NT5E: variants seen among roughly 807,000 people sequenced by gnomAD.
NT5E encodes 5'-nucleotidase ecto, also known as 5'-nucleotidase.
Under a neutral mutation model 55.1 loss-of-function variants are expected in NT5E, and 53 were observed. The observed-to-expected ratio is 0.96, with a 90% CI of 0.77 to 1.21. The LOEUF (loss-of-function observed/expected upper bound fraction) is 1.21. Among genes scored for constraint, NT5E ranks in the 50% most tolerant of loss-of-function variants. The pLI is 0.00. For missense variants in NT5E, 683 were observed against 724.3 expected (o/e 0.94, Z 0.65); for synonymous variants, 270 against 278.4 (o/e 0.97, Z 0.30).
intron 3 of NT5E, 42 bp from the exon 4 acceptor site, chr6:85,485,193 G>A: frequency 1.3e-6 from 2 of 1,596,002 alleles, no homozygotes; most frequent in Non-Finnish European, 1.7e-6. Flanking sequence ...AGCCATGTAT[G>A]TACAAGGGCT....
At position 85,471,212 on chromosome 6, in the gene NT5E, C is replaced by G. The variant is rs564534229; in HGVS notation, c.563-25C>G. 5 of 1,486,162 alleles carry G rather than the reference C, an allele frequency of 3.4e-6. No homozygotes were observed. In the East Asian group the frequency reaches 1.2e-4, roughly 36 times the overall value. 92.1% of individuals were successfully genotyped at this position (1,486,162 alleles called of 1,614,324 possible). On this transcript the variant is annotated intron_variant, in intron 2 of 8. Transcript: ENST00000257770. ...TATAATAAAAATTGTTAATAAATATCCATTTTATTTATTTTGTTCCTTAGG... is the reference window on the plus strand; with the variant it reads ...TATAATAAAAATTGTTAATAAATATGCATTTTATTTATTTTGTTCCTTAGG...
At chr6:85,451,443 A>G (rs995256620) in intron 1 of NT5E, among the ~76,000 whole-genome samples, 1 of 152,204 alleles carries the variant, frequency 6.6e-6, no homozygotes, top group Non-Finnish European at 1.5e-5. Flanking sequence ...ACTAAATTCT[A>G]GAAAGGGAGC....
intron 3 of NT5E, among the ~76,000 whole-genome samples, chr6:85,481,482 G>A (rs1053298509): frequency 5.9e-5 from 9 of 152,200 alleles, no homozygotes; most frequent in Admixed American, 5.2e-4. Flanking sequence ...CTTGAGTCGA[G>A]TCAGGCTTCA....
At chr6:85,456,778 G>A (rs1270002048) in intron 1 of NT5E, among the ~76,000 whole-genome samples, 3 of 152,178 alleles carry the variant, frequency 2.0e-5, no homozygotes. Flanking sequence ...CATTCTGTCT[G>A]GTAGGTATAG....
At chr6:85,465,410 G>C (rs1438638941) in intron 1 of NT5E, among the ~76,000 whole-genome samples, 1 of 152,068 alleles carries the variant, frequency 6.6e-6, no homozygotes, top group Non-Finnish European at 1.5e-5. Flanking sequence ...TATAACAAGG[G>C]AGACTTATTT....
chr6:85,485,297 G>A lies in NT5E; in HGVS notation c.814G>A (p.Gly272Arg). 6.2e-7 allele frequency: 1 copy of A among 1,614,206 alleles called. No individual in the cohort carries two copies. The highest frequency in any genetic ancestry group is 8.5e-7 in the Non-Finnish European group (1 of 1,180,030). The change falls in exon 4 of 9, where the codon GGG becomes AGG. Residue 272 changes from glycine (G) to arginine (R), a missense_variant. Transcript: ENST00000257770. Reference sequence around the variant, plus strand: ...CCCATTCATAGTCACTTCTGATGATGGGCGGAAGGTTCCTGTAGTCCAGGC... The same window carrying A: ...CCCATTCATAGTCACTTCTGATGATAGGCGGAAGGTTCCTGTAGTCCAGGC... Reference protein sequence around the residue: ...KYPFIVTSDDGRKVPVVQAYA... With the variant: ...KYPFIVTSDDRRKVPVVQAYA...
chr6:85,479,604 C>T (rs1043492077), intron 3 of NT5E, among the ~76,000 whole-genome samples: 5 of 152,210 alleles, frequency 3.3e-5, no homozygotes, highest in African/African-American at 9.6e-5. Context: ...GTAGGAAGAC[C>T]TCTGGCCAAA....
At chr6:85,485,758 T>C (rs1769641173) in intron 4 of NT5E, among the ~76,000 whole-genome samples, 1 of 152,218 alleles carries the variant, frequency 6.6e-6, no homozygotes, top group Admixed American at 6.5e-5. Flanking sequence ...GGGGTTCTAA[T>C]TGGGCAGAGC....
At position 85,454,956 on chromosome 6, in the gene NT5E, G is replaced by A. The variant is rs554654000; in HGVS notation, c.339+4478G>A. ...AATGTTTTGATTCAGTGAAGGGACA[G>A]GAGGATGGGGCAAAGGTGTAGAGGC... On this transcript the variant is annotated intron_variant, in intron 1 of 8. Transcript: ENST00000257770. 5.9e-5 allele frequency among the ~76,000 whole-genome samples: 9 copies of A among 152,304 alleles called. No individual in the cohort carries two copies. The South Asian group carries it at 1.9e-3, about 32-fold the overall frequency.
intron 1 of NT5E, among the ~76,000 whole-genome samples, chr6:85,461,774 G>A (rs1224973231): frequency 6.6e-6 from 1 of 152,062 alleles, no homozygotes; most frequent in African/African-American, 2.4e-5. Flanking sequence ...GAGATGGGAG[G>A]GGACAGGAGG....
In NT5E at chr6:85,460,153, G is replaced by A. The variant is rs117674269; in HGVS notation, c.340-6907G>A. Among the ~76,000 whole-genome samples, 1,094 of 152,104 alleles carry A rather than the reference G, an allele frequency of 7.2e-3. 10 individuals are homozygous for A. Among genetic ancestry groups the A allele is most frequent in the Middle Eastern group, 0.017 (5 of 294 alleles). On this transcript the variant is annotated intron_variant, in intron 1 of 8. Transcript: ENST00000257770. ...CATCTCTTAGAAACTAAATTAAACG[G>A]GTACTCACCCAAGTTGAAATGCAAA...
rs35478984 is a variant in NT5E, at chr6:85,485,380, C to T, written c.897C>T (p.Asn299=). The T allele has an allele frequency of 3.4e-3, 5,510 of 1,614,140 alleles. 167 individuals carry two copies. The African/African-American group carries it at 0.063, about 18-fold the overall frequency. ...AGATCGAGTTTGATGAAAGAGGAAACGTCATCTCTTCCCATGGAAATCCCA... is the reference window on the plus strand; with the variant it reads ...AGATCGAGTTTGATGAAAGAGGAAATGTCATCTCTTCCCATGGAAATCCCA... ...YLKIEFDERG[N]VISSHGNPIL... Residue 299 remains asparagine (N), a synonymous_variant, in exon 4 of 9, where the codon AAC becomes AAT. Transcript: ENST00000257770.
rs757149318 is a variant in NT5E, at chr6:85,467,161, G to C, written c.441G>C (p.Lys147Asn). The change falls in exon 2 of 9, where the codon AAG becomes AAC. Residue 147 changes from lysine to asparagine, a missense_variant. Physicochemically the swap from Lys to Asn is moderately conservative, Grantham distance 94 (BLOSUM62 0). Transcript: ENST00000257770. The part of the protein sequence containing the change: ...FPILSANIKA[K>N]GPLASQISGL... ...TTCTGAGTGCAAACATTAAAGCAAA[G>C]GGGCCACTAGCATCTCAAATATCAG... is the stretch of plus-strand genomic sequence containing the variant. The C allele has an allele frequency of 1.2e-6, 2 of 1,614,120 alleles. No individual in the cohort carries two copies. The highest frequency in any genetic ancestry group is 2.2e-5 in the South Asian group (2 of 91,074).
intron 1 of NT5E, among the ~76,000 whole-genome samples, chr6:85,457,976 T>C (rs1031733159): frequency 6.6e-6 from 1 of 152,194 alleles, no homozygotes; most frequent in Non-Finnish European, 1.5e-5. Flanking sequence ...GCTAAAGATC[T>C]GGTCTGTAGA....
chr6:85,494,284 A>T lies in NT5E; in HGVS notation c.*280A>T, dbSNP rs1183182691. On this transcript the variant is annotated 3_prime_UTR_variant, in exon 9 of 9. Coordinates refer to ENST00000257770, the MANE Select transcript of NT5E (RefSeq NM_002526.4). The stretch of plus-strand genomic sequence containing the variant: ...AATGAAATTTTACTAACAATTTTAA[A>T]CCATATTTTTCTTCTTCATATCCAT... 3 of 422,180 alleles carry T rather than the reference A, an allele frequency of 7.1e-6. No individual in the cohort carries two copies. Among genetic ancestry groups the T allele is most frequent in the South Asian group, 3.4e-5 (1 of 29,018 alleles). The allele number at this position is 422,180 out of a possible 1,614,324, so 26.2% of individuals were successfully genotyped here. A position where few individuals can be genotyped will look rare whatever the true frequency, so the allele number is the denominator to read the frequency against.
chr6:85,481,428 T>C (rs1254388116), intron 3 of NT5E, among the ~76,000 whole-genome samples: 1 of 152,030 alleles, frequency 6.6e-6, no homozygotes, highest in African/African-American at 2.4e-5. Flanking sequence ...TGTCCAGGAG[T>C]TAACATGGTC....
At chr6:85,490,473 A>G in intron 6 of NT5E, 35 bp from the exon 7 acceptor site, 10 of 1,613,454 alleles carry the variant, frequency 6.2e-6, no homozygotes, top group East Asian at 2.2e-5. Flanking sequence ...TTCTCAAGCT[A>G]TTTTCCTTCT....
chr6:85,478,150 C>T (rs1769473538), intron 3 of NT5E, among the ~76,000 whole-genome samples: 1 of 152,210 alleles, frequency 6.6e-6, no homozygotes, highest in African/African-American at 2.4e-5. Flanking sequence ...ATGGCCCAGC[C>T]TGAGCACCTG....
Position 85,494,184 on chromosome 6 carries a change from T to C in NT5E, c.*180T>C, listed in dbSNP as rs1769844994. The stretch of plus-strand genomic sequence containing the variant: ...TGATTACTCAGGGTCAGCAACCTAG[T>C]GAGTTAGAAAAAAAATTAACATAGG... On this transcript the variant is annotated 3_prime_UTR_variant, in exon 9 of 9. Coordinates refer to ENST00000257770, the MANE Select transcript of NT5E (RefSeq NM_002526.4). 1 of 643,004 alleles carries C rather than the reference T, an allele frequency of 1.6e-6. No individual in the cohort carries two copies. The highest frequency in any genetic ancestry group is 1.8e-5 in the African/African-American group (1 of 54,452). The allele number at this position is 643,004 out of a possible 1,614,324, so 39.8% of individuals were successfully genotyped here.
Sources: allele counts gnomAD v4.1 joint callset (sites outside exome capture counted in the v4.1 genomes callset), GRCh38; gene constraint gnomAD v4.1.1; transcripts MANE v1.5; gene names NCBI Gene and HGNC (gene_info 2026-07-23, HGNC 2026-07-21).